HRH4: variants seen among roughly 807,000 people sequenced by gnomAD.
HRH4 encodes histamine receptor H4, also known as histamine H4 receptor.
A neutral mutation model predicts 10.4 loss-of-function variants in HRH4; 12 were observed. That is an observed-to-expected ratio of 1.15 (90% CI 0.74 to 1.87). HRH4 has a LOEUF of 1.87. Ranked by LOEUF, HRH4 falls within the 40% of genes most tolerant of loss-of-function variation. HRH4 has a pLI of 0.00. For synonymous variants in HRH4, 154 were observed against 166.6 expected (o/e 0.92, Z 0.58); for missense variants, 415 against 453.3 (o/e 0.92, Z 0.77).
At chr18:24,463,521 G>A (rs1481460459) in intron 1 of HRH4, among the ~76,000 whole-genome samples, 9 of 152,230 alleles carry the variant, frequency 5.9e-5, no homozygotes, top group Non-Finnish European at 1.0e-4. Flanking sequence ...AGGCGTGGAC[G>A]TGGTGAGCAT....
At chr18:24,474,360 A>C (rs1599779877) in intron 2 of HRH4, among the ~76,000 whole-genome samples, 2 of 152,288 alleles carry the variant, frequency 1.3e-5, no homozygotes, top group Admixed American at 6.5e-5. Flanking sequence ...GAGAAAAAAA[A>C]AACAACCAAG....
At chr18:24,462,248 T>C (rs1735521173) in intron 1 of HRH4, among the ~76,000 whole-genome samples, 1 of 152,200 alleles carries the variant, frequency 6.6e-6, no homozygotes, top group Non-Finnish European at 1.5e-5. Flanking sequence ...GAGATGAAGA[T>C]GAAATCTATA....
At position 24,476,913 on chromosome 18, in the gene HRH4, T is replaced by G. The variant is rs1910152799; in HGVS notation, c.524T>G (p.Leu175Arg). ...EPGFFSEWYILAITSFLEFVI... is the reference protein window; with the variant it reads ...EPGFFSEWYIRAITSFLEFVI... ...GGATTTTTTTCGGAATGGTACATCC[T>G]TGCCATCACATCATTCTTGGAATTC... The change falls in exon 3 of 3, where the codon CTT (leucine) becomes CGT (arginine). Residue 175 changes from leucine (L) to arginine (R), a missense_variant. Leu to Arg is a moderately radical substitution (Grantham distance 102). Coordinates refer to ENST00000256906, the MANE Select transcript of HRH4 (RefSeq NM_021624.4). 5.0e-6 allele frequency: 8 copies of G among 1,614,074 alleles called. No homozygotes were observed. Among genetic ancestry groups the G allele is most frequent in the Non-Finnish European group, 6.8e-6 (8 of 1,180,040 alleles).
intron 2 of HRH4, among the ~76,000 whole-genome samples, chr18:24,471,606 C>CAAAAAAAAAAAAAAAAAAAAAAAAA (rs60730879): frequency 1.9e-5 from 1 of 51,396 alleles, no homozygotes. Flanking sequence ...GACTCCATCT[C>CAAAAAAAAAAAAAAAAAAAAAAAAA]AAAAAAAAAA....
At chr18:24,467,484 G>A (rs1644808807) in intron 1 of HRH4, among the ~76,000 whole-genome samples, 1 of 152,186 alleles carries the variant, frequency 6.6e-6, no homozygotes, top group Non-Finnish European at 1.5e-5. Flanking sequence ...GGGCATGGAG[G>A]AGGTCACTTT....
chr18:24,467,463 T>G (rs986571792), intron 1 of HRH4, among the ~76,000 whole-genome samples: 3 of 152,292 alleles, frequency 2.0e-5, no homozygotes, highest in African/African-American at 7.2e-5. Context: ...CTGAGGAAGC[T>G]CCAAGAAAGA....
Position 24,479,818 on chromosome 18 carries a change from C to A in HRH4, c.*2256C>A, listed in dbSNP as rs982748155. Reference sequence around the variant, plus strand: ...TAACTTCAAACATTAAAATACAAGTCTTTTAAGTACATGAGTGCTTAGAAA... The same window carrying A: ...TAACTTCAAACATTAAAATACAAGTATTTTAAGTACATGAGTGCTTAGAAA... On this transcript the variant is annotated 3_prime_UTR_variant, in exon 3 of 3. Coordinates refer to ENST00000256906, the MANE Select transcript of HRH4 (RefSeq NM_021624.4). The A allele has an allele frequency of 2.0e-5, 3 of 152,070 alleles. No individual in the cohort carries two copies. Among genetic ancestry groups the A allele is most frequent in the Non-Finnish European group, 4.4e-5 (3 of 68,026 alleles). 9.4% of individuals were successfully genotyped at this position (152,070 alleles called of 1,614,324 possible).
intron 1 of HRH4, among the ~76,000 whole-genome samples, chr18:24,462,480 C>T (rs1387326983): frequency 6.6e-6 from 1 of 152,080 alleles, no homozygotes; most frequent in African/African-American, 2.4e-5. Context: ...CAGTTAGGAC[C>T]TGAGCTAGGA....
intron 1 of HRH4, among the ~76,000 whole-genome samples, chr18:24,462,348 T>A (rs559151287): frequency 6.6e-5 from 10 of 151,740 alleles, no homozygotes; most frequent in South Asian, 4.2e-4. Context: ...AACAGGAGAG[T>A]GGTTGAACAG....
At position 24,479,777 on chromosome 18, in the gene HRH4, A is replaced by G. The variant is rs2144390485; in HGVS notation, c.*2215A>G. ...CCGTTTGGTGATTTTCATGTTTCTT[A>G]GAAACTTTAAACCTTTAACTTCAAA... On this transcript the variant is annotated 3_prime_UTR_variant, in exon 3 of 3. Coordinates refer to ENST00000256906, the MANE Select transcript of HRH4 (RefSeq NM_021624.4). 1 of 152,264 alleles carries G rather than the reference A, an allele frequency of 6.6e-6. No homozygotes were observed. Among genetic ancestry groups the G allele is most frequent in the Middle Eastern group, 3.4e-3 (1 of 294 alleles). 9.4% of individuals were successfully genotyped at this position (152,264 alleles called of 1,614,324 possible).
intron 1 of HRH4, among the ~76,000 whole-genome samples, chr18:24,467,297 G>A (rs1263100223): frequency 6.6e-6 from 1 of 152,162 alleles, no homozygotes; most frequent in African/African-American, 2.4e-5. Flanking sequence ...GAGGTTGTAG[G>A]AAATACAAAG....
intron 2 of HRH4, among the ~76,000 whole-genome samples, chr18:24,475,736 G>A (rs376719541): frequency 2.8e-4 from 42 of 152,262 alleles, no homozygotes; most frequent in African/African-American, 8.2e-4. Flanking sequence ...GGCCAGGTGC[G>A]GTAGCTCACA....
At chr18:24,464,082 T>C (rs1340227843) in intron 1 of HRH4, among the ~76,000 whole-genome samples, 2 of 152,188 alleles carry the variant, frequency 1.3e-5, no homozygotes, top group African/African-American at 2.4e-5. Flanking sequence ...TTTATCTTGA[T>C]ACCTGTATGC....
chr18:24,479,529 GC>G lies in HRH4; in HGVS notation c.*1970del, dbSNP rs1207676111. 39 of 152,204 alleles carry G rather than the reference GC, an allele frequency of 2.6e-4. No individual in the cohort carries two copies. The highest frequency in any genetic ancestry group is 8.9e-4 in the African/African-American group (37 of 41,448). 9.4% of individuals were successfully genotyped at this position (152,204 alleles called of 1,614,324 possible). A position where few individuals can be genotyped will look rare whatever the true frequency, so the allele number is the denominator to read the frequency against. ...AGTGGCATGCTCTCAGCTCACTGCA[GC>G]CCTGACTGCCTAGGCTCCAGCAATC... On this transcript the variant is annotated 3_prime_UTR_variant, in exon 3 of 3. Coordinates refer to ENST00000256906, the MANE Select transcript of HRH4 (RefSeq NM_021624.4).
In HRH4 at chr18:24,460,780, T is replaced by G; in HGVS notation, c.52T>G (p.Leu18Val). The change falls in exon 1 of 3, where the codon TTA (leucine) becomes GTA (valine). Residue 18 changes from leucine (L) to valine (V), a missense_variant. Physicochemically the swap from Leu to Val is conservative, Grantham distance 32. Coordinates refer to ENST00000256906, the MANE Select transcript of HRH4 (RefSeq NM_021624.4). ...TTTATCACTAAGCACTCGTGTTACTTTAGCATTTTTTATGTCCTTAGTAGC... is the reference window on the plus strand; with the variant it reads ...TTTATCACTAAGCACTCGTGTTACTGTAGCATTTTTTATGTCCTTAGTAGC... ...INLSLSTRVT[L>V]AFFMSLVAFA... is the part of the protein sequence containing the mutation. 5.2e-6 allele frequency: 8 copies of G among 1,549,980 alleles called. No individual in the cohort carries two copies. The highest frequency in any genetic ancestry group is 7.0e-6 in the Non-Finnish European group (8 of 1,136,538).
intron 1 of HRH4, 31 bp from the exon 2 acceptor site, chr18:24,468,755 CTA>C: frequency 3.2e-6 from 5 of 1,584,590 alleles, no homozygotes; most frequent in Non-Finnish European, 4.3e-6. Flanking sequence ...TTGATGTGCG[CTA>C]TGTTTTTACA....
rs750584363 is a variant in HRH4, at chr18:24,476,895, T to C, written c.506T>C (p.Phe169Ser). 1 of 1,614,204 alleles carries C rather than the reference T, an allele frequency of 6.2e-7. No homozygotes were observed. Among genetic ancestry groups the C allele is most frequent in the South Asian group, 1.1e-5 (1 of 91,088 alleles). ...DEGSECEPGF[F>S]SEWYILAITS... ...GGTAGTGAATGTGAACCTGGATTTT[T>C]TTCGGAATGGTACATCCTTGCCATC... The change falls in exon 3 of 3, where the codon TTT (phenylalanine) becomes TCT (serine). Residue 169 changes from phenylalanine to serine, a missense_variant. Phe to Ser is a radical substitution (Grantham distance 155, BLOSUM62 -2). Coordinates refer to ENST00000256906, the MANE Select transcript of HRH4 (RefSeq NM_021624.4).
intron 2 of HRH4, among the ~76,000 whole-genome samples, chr18:24,473,248 T>G (rs563073143): frequency 1.3e-5 from 2 of 152,002 alleles, no homozygotes; most frequent in Non-Finnish European, 2.9e-5. Flanking sequence ...GACAGTAAAA[T>G]CAAGACCACA....
intron 1 of HRH4, among the ~76,000 whole-genome samples, chr18:24,468,321 C>T (rs569875986): frequency 9.9e-5 from 15 of 152,146 alleles, no homozygotes; most frequent in Non-Finnish European, 2.1e-4. Context: ...GGATTACAGG[C>T]GTGAGTTACC....
Sources: gnomAD v4.1 joint callset for allele counts (sites outside exome capture counted in the v4.1 genomes callset) on GRCh38, gnomAD v4.1.1 for gene constraint, MANE v1.5 for transcripts, NCBI Gene and HGNC (gene_info 2026-07-23, HGNC 2026-07-21) for gene names.